Variants in TLE4 observed in about 807,000 individuals in gnomAD.
TLE4 encodes the protein transducin-like enhancer protein 4.
In TLE4, 8 loss-of-function variants were observed where a neutral mutation model predicts 92.8. That is an observed-to-expected ratio of 0.09 (90% CI 0.05 to 0.16). The LOEUF (loss-of-function observed/expected upper bound fraction) is 0.16, where lower values mean the gene tolerates loss of function less well. TLE4 is among the 10% of genes least tolerant of loss of function. The pLI is 1.00. For synonymous variants in TLE4, 371 were observed against 374.1 expected, an observed-to-expected ratio of 0.99 and a Z score of 0.10; for missense variants, 675 against 997.6, an observed-to-expected ratio of 0.68 and a Z score of 4.36.
intron 8 of TLE4, among the ~76,000 whole-genome samples, chr9:79,691,121 C>T (rs2066993730): frequency 6.6e-6 from 1 of 152,078 alleles, no homozygotes; most frequent in Non-Finnish European, 1.5e-5. Flanking sequence ...TCCCCAGTAG[C>T]CCTCCAGTCT....
At chr9:79,644,212 G>A (rs919616036) in intron 6 of TLE4, among the ~76,000 whole-genome samples, 18 of 151,988 alleles carry the variant, frequency 1.2e-4, no homozygotes, top group African/African-American at 3.6e-4. Flanking sequence ...CCCTTCACTC[G>A]GCTCTCATGC....
intron 14 of TLE4, among the ~76,000 whole-genome samples, chr9:79,715,955 T>TA (rs150850011): frequency 6.6e-6 from 1 of 152,306 alleles, no homozygotes; most frequent in African/African-American, 2.4e-5. Context: ...ATTTCCAACT[T>TA]ACCACTATCT....
At chr9:79,653,832 C>T (rs970030910) in intron 7 of TLE4, among the ~76,000 whole-genome samples, 9 of 152,086 alleles carry the variant, frequency 5.9e-5, no homozygotes, top group African/African-American at 1.9e-4. Context: ...ATAAGAATGT[C>T]CAGCTTTGGT....
chr9:79,697,021 G>C (rs2068446490), intron 8 of TLE4, among the ~76,000 whole-genome samples: 1 of 152,068 alleles, frequency 6.6e-6, no homozygotes, highest in Non-Finnish European at 1.5e-5. Context: ...TGAATGAGTG[G>C]TTTATGATAT....
At chr9:79,661,200 A>C (rs1473166604) in intron 8 of TLE4, among the ~76,000 whole-genome samples, 3 of 152,226 alleles carry the variant, frequency 2.0e-5, no homozygotes, top group Non-Finnish European at 4.4e-5. Context: ...CTTCCAATGG[A>C]ATTATTCCAA....
intron 19 of TLE4, among the ~76,000 whole-genome samples, chr9:79,723,256 C>T (rs1273623695): frequency 6.6e-6 from 1 of 152,174 alleles, no homozygotes; most frequent in African/African-American, 2.4e-5. Flanking sequence ...CAGTGCTGTG[C>T]CTGATTCAGT....
intron 6 of TLE4, among the ~76,000 whole-genome samples, chr9:79,639,971 A>G (rs186760342): frequency 6.6e-6 from 1 of 152,210 alleles, no homozygotes; most frequent in Admixed American, 6.5e-5. Flanking sequence ...ACACTGGGGA[A>G]CTACTTAAGT....
chr9:79,654,179 G>A, intron 8 of TLE4, 104 bp downstream of exon 8: 1 of 1,165,924 alleles, frequency 8.6e-7, no homozygotes, highest in Non-Finnish European at 1.2e-6. Flanking sequence ...TGATTTCATT[G>A]GTTAGTAGTG....
At chr9:79,573,462 C>T (rs894495301) in intron 1 of TLE4, 49 of 1,059,746 alleles carry the variant, frequency 4.6e-5, no homozygotes, top group African/African-American at 8.2e-5. Context: ...GGGTCCGGGG[C>T]GCGGGGGCCT....
intron 8 of TLE4, among the ~76,000 whole-genome samples, chr9:79,669,881 C>T (rs550647424): frequency 3.3e-5 from 5 of 152,188 alleles, no homozygotes; most frequent in Admixed American, 6.5e-5. Flanking sequence ...TGGGGGCATG[C>T]GTTACATGGC....
At chr9:79,576,403 A>G (rs2037778528) in intron 4 of TLE4, 1 of 326,132 alleles carries the variant, frequency 3.1e-6, no homozygotes, top group Non-Finnish European at 5.5e-6. Flanking sequence ...GTCTGAATAC[A>G]TATTAAACTC....
At position 79,725,926 on chromosome 9, in the gene TLE4, G is replaced by T. The variant is rs1588691900; in HGVS notation, c.*782G>T. Reference sequence around the variant, plus strand: ...ATAGGCAGATGAACAAATTAAATTTGGCCTCAAAGAGAGAACTTACTCCCT... The same window carrying T: ...ATAGGCAGATGAACAAATTAAATTTTGCCTCAAAGAGAGAACTTACTCCCT... On this transcript the variant is annotated 3_prime_UTR_variant, in exon 20 of 20. Transcript: ENST00000376552. The T allele has an allele frequency of 6.6e-6, 1 of 152,394 alleles. No individual in the cohort carries two copies. The highest frequency in any genetic ancestry group is 1.9e-4 in the East Asian group (1 of 5,184). The allele number at this position is 152,394 out of a possible 1,614,324, so 9.4% of individuals were successfully genotyped here.
intron 6 of TLE4, among the ~76,000 whole-genome samples, chr9:79,631,850 A>G (rs1360561100): frequency 6.6e-6 from 1 of 151,408 alleles, no homozygotes; most frequent in African/African-American, 2.4e-5. Context: ...AGGGAAAGAT[A>G]TAAATATGTG....
At chr9:79,653,566 T>C (rs1339852772) in intron 7 of TLE4, among the ~76,000 whole-genome samples, 1 of 152,202 alleles carries the variant, frequency 6.6e-6, no homozygotes, top group Non-Finnish European at 1.5e-5. Flanking sequence ...CCAGCATTCC[T>C]TTTTGGGAAT....
chr9:79,713,178 G>A (rs2073752286), intron 14 of TLE4, among the ~76,000 whole-genome samples: 1 of 152,232 alleles, frequency 6.6e-6, no homozygotes, highest in African/African-American at 2.4e-5. Context: ...GCGCGTGAGA[G>A]ATGAGCACAG....
chr9:79,655,626 A>G (rs556606727), intron 8 of TLE4, among the ~76,000 whole-genome samples: 1 of 152,232 alleles, frequency 6.6e-6, no homozygotes, highest in Non-Finnish European at 1.5e-5. Context: ...ATTTTGTTGT[A>G]TCATATGCAT....
At chr9:79,582,844 G>T (rs938365700) in intron 4 of TLE4, among the ~76,000 whole-genome samples, 1 of 152,114 alleles carries the variant, frequency 6.6e-6, no homozygotes, top group African/African-American at 2.4e-5. Context: ...TACTAGCTAA[G>T]TTATTACCAG....
chr9:79,624,718 T>G (rs555439157), intron 5 of TLE4, among the ~76,000 whole-genome samples: 1 of 152,356 alleles, frequency 6.6e-6, no homozygotes, highest in South Asian at 2.1e-4. Flanking sequence ...CTAAGGCATC[T>G]TTGCCCATTT....
intron 19 of TLE4, among the ~76,000 whole-genome samples, chr9:79,723,909 C>T (rs756020348): frequency 1.3e-5 from 2 of 152,144 alleles, no homozygotes; most frequent in African/African-American, 2.4e-5. Context: ...AAGAGTAGTA[C>T]ATTTTTTATA....
Sources: allele counts gnomAD v4.1 joint callset (sites outside exome capture counted in the v4.1 genomes callset), GRCh38; gene constraint gnomAD v4.1.1; transcripts MANE v1.5; gene names NCBI Gene and HGNC (gene_info 2026-07-23, HGNC 2026-07-21).